RIMS2: variants seen among roughly 807,000 people sequenced by gnomAD.
RIMS2 encodes the protein regulating synaptic membrane exocytosis protein 2.
In RIMS2, 59 loss-of-function variants were observed where a neutral mutation model predicts 174.4. That is an observed-to-expected ratio of 0.34 (90% CI 0.27 to 0.42). RIMS2 has a LOEUF of 0.42. RIMS2 is among the 10% of genes least tolerant of loss of function. The pLI is 1.00. For missense variants in RIMS2, 1,620 were observed against 1,666.3 expected (o/e 0.97, Z 0.48); for synonymous variants, 606 against 572.5 (o/e 1.06, Z -0.84).
At chr8:103,512,646 A>T (rs1395097763) in intron 1 of RIMS2, among the ~76,000 whole-genome samples, 1 of 152,042 alleles carries the variant, frequency 6.6e-6, no homozygotes, top group African/African-American at 2.4e-5. Flanking sequence ...CTCAGGGTAG[A>T]GAAGGACAAT....
At chr8:104,009,358 A>T (rs1033550697) in intron 17 of RIMS2, among the ~76,000 whole-genome samples, 2 of 151,892 alleles carry the variant, frequency 1.3e-5, no homozygotes, top group Admixed American at 6.6e-5. Context: ...CAATGGTATG[A>T]TCACAGCTCA....
intron 3 of RIMS2, among the ~76,000 whole-genome samples, chr8:103,815,111 C>T (rs2098710984): frequency 6.6e-6 from 1 of 152,034 alleles, no homozygotes; most frequent in South Asian, 2.1e-4. Flanking sequence ...CATGTTCTTA[C>T]CCAGAGATAA....
intron 2 of RIMS2, among the ~76,000 whole-genome samples, chr8:103,751,396 A>G (rs373594161): frequency 6.6e-5 from 10 of 151,632 alleles, no homozygotes; most frequent in African/African-American, 1.9e-4. Context: ...GAATAATGCC[A>G]CAATAAACAT....
chr8:103,546,664 C>G (rs971578534), intron 1 of RIMS2, among the ~76,000 whole-genome samples: 1 of 152,116 alleles, frequency 6.6e-6, no homozygotes, highest in Admixed American at 6.5e-5. Flanking sequence ...TCAAAAACAC[C>G]TAAATCATAC....
At position 103,896,496 on chromosome 8, in the gene RIMS2, A is replaced by T. The variant is rs185546749; in HGVS notation, c.1624+10273A>T. Among the ~76,000 whole-genome samples, 147 of 151,850 alleles carry T rather than the reference A, an allele frequency of 9.7e-4. 4 individuals are homozygous for T. The highest frequency in any genetic ancestry group is 3.4e-3 in the African/African-American group (141 of 41,188). On this transcript the variant is annotated intron_variant, in intron 4 of 23. Coordinates refer to ENST00000504942, the Ensembl canonical transcript of RIMS2. ...CTGCTTTTGTTTGGTTTCCACAGCC[A>T]TACAATTGTTGTGACCAATTTTTCA...
chr8:103,799,410 T>C (rs1236330161), intron 3 of RIMS2, among the ~76,000 whole-genome samples: 1 of 152,208 alleles, frequency 6.6e-6, no homozygotes, highest in Non-Finnish European at 1.5e-5. Context: ...CTCGTTACTA[T>C]AAACTGTGAG....
At chr8:103,928,589 C>T (rs941798674) in intron 11 of RIMS2, among the ~76,000 whole-genome samples, 1 of 150,942 alleles carries the variant, frequency 6.6e-6, no homozygotes, top group East Asian at 1.9e-4. Flanking sequence ...TTATGCTCTC[C>T]TTGCTTTGCT....
intron 19 of RIMS2, among the ~76,000 whole-genome samples, chr8:104,069,031 GT>G (rs1234226595): frequency 2.0e-5 from 3 of 152,074 alleles, no homozygotes; most frequent in Admixed American, 1.3e-4. Context: ...CAACTTACAA[GT>G]TTTTGACTTT....
In RIMS2 at chr8:103,795,579, T is replaced by C. The variant is rs929025182; in HGVS notation, c.698+29042T>C. Among the ~76,000 whole-genome samples, 35 of 151,972 alleles carry C rather than the reference T, an allele frequency of 2.3e-4. 1 individual carries two copies. Among genetic ancestry groups the C allele is most frequent in the Non-Finnish European group, 5.9e-5 (4 of 67,988 alleles). The stretch of plus-strand genomic sequence containing the variant: ...ATGTATCCTAGAAATTAAAGTATAA[T>C]AATAATGATGAAAAATAAGAAGTAC... On this transcript the variant is annotated intron_variant, in intron 3 of 23. Coordinates refer to ENST00000504942, the Ensembl canonical transcript of RIMS2.
At chr8:103,596,786 T>G (rs577221321) in intron 1 of RIMS2, among the ~76,000 whole-genome samples, 40 of 151,850 alleles carry the variant, frequency 2.6e-4, no homozygotes, top group African/African-American at 9.2e-4. Context: ...AAAATAATAA[T>G]AAGAAAAAAG....
intron 12 of RIMS2, 26 bp downstream of exon 14, chr8:103,931,419 T>A (rs761890963): frequency 5.4e-6 from 8 of 1,494,988 alleles, no homozygotes; most frequent in Non-Finnish European, 7.3e-6. Context: ...AAAATAAATG[T>A]TCTGGAAAAT....
At chr8:103,800,184 A>G (rs1284738238) in intron 3 of RIMS2, among the ~76,000 whole-genome samples, 3 of 152,076 alleles carry the variant, frequency 2.0e-5, no homozygotes. Context: ...GTTCTGTCTT[A>G]CTGGTCTATG....
chr8:103,945,091 G>A (rs1394470834), intron 14 of RIMS2, among the ~76,000 whole-genome samples: 1 of 151,996 alleles, frequency 6.6e-6, no homozygotes, highest in Non-Finnish European at 1.5e-5. Flanking sequence ...TTAAGTATAT[G>A]TATCATATTT....
intron 19 of RIMS2, among the ~76,000 whole-genome samples, chr8:104,205,642 A>G (rs1170447777): frequency 6.6e-6 from 1 of 152,160 alleles, no homozygotes; most frequent in Non-Finnish European, 1.5e-5. Flanking sequence ...ATATCACTTA[A>G]AGTGATAGTT....
intron 2 of RIMS2, among the ~76,000 whole-genome samples, chr8:103,756,999 G>GTC: frequency 7.0e-6 from 1 of 142,276 alleles, no homozygotes; most frequent in East Asian, 2.0e-4. Context: ...GTGTGTGTGT[G>GTC]TGTGTGTGTG....
chr8:103,954,271 C>A (rs2086399076), intron 14 of RIMS2, among the ~76,000 whole-genome samples: 1 of 152,170 alleles, frequency 6.6e-6, no homozygotes, highest in Non-Finnish European at 1.5e-5. Flanking sequence ...ATCTACAGAA[C>A]TCTCCACCCC....
chr8:104,022,578 A>C (rs906476611), intron 19 of RIMS2, among the ~76,000 whole-genome samples: 1 of 151,918 alleles, frequency 6.6e-6, no homozygotes, highest in Admixed American at 6.6e-5. Context: ...GACGGGTTTC[A>C]CTACCTTGGC....
chr8:104,223,853 A>G lies in RIMS2; in HGVS notation c.3335-21063A>G, dbSNP rs545253269. 5 of 1,434,882 alleles carry G rather than the reference A, an allele frequency of 3.5e-6. No individual in the cohort carries two copies. The Admixed American group carries it at 9.3e-5, about 27-fold the overall frequency. 88.9% of individuals were successfully genotyped at this position (1,434,882 alleles called of 1,614,324 possible). A position where few individuals can be genotyped will look rare whatever the true frequency, so the allele number is the denominator to read the frequency against. On this transcript the variant is annotated intron_variant, in intron 19 of 23. Coordinates refer to ENST00000504942, the Ensembl canonical transcript of RIMS2. ...ATCTGTTTAGAAAGTCGGTGGCTGG[A>G]GGGTTGGCCGGGGCAGAGAGAACTC... is the stretch of plus-strand genomic sequence containing the variant.
chr8:103,916,375 T>A, intron 7 of RIMS2, 39 bp from the exon 11 acceptor site: 1 of 1,512,312 alleles, frequency 6.6e-7, no homozygotes, highest in South Asian at 1.2e-5. Flanking sequence ...TCAGATCAAA[T>A]TTTCTGTATA....
Sources: allele counts gnomAD v4.1 joint callset (sites outside exome capture counted in the v4.1 genomes callset), GRCh38; gene constraint gnomAD v4.1.1; transcripts MANE v1.5; gene names NCBI Gene and HGNC (gene_info 2026-07-23, HGNC 2026-07-21).